TASP1: variants seen among roughly 807,000 people sequenced by gnomAD.
TASP1 encodes the protein threonine aspartase 1.
In TASP1, 16 loss-of-function variants were observed where a neutral mutation model predicts 56.6. That is an observed-to-expected ratio of 0.28 (90% CI 0.19 to 0.43). TASP1 has a LOEUF of 0.43. TASP1 is among the 20% of genes least tolerant of loss of function. The probability of loss-of-function intolerance (pLI) is 1.00; values close to 1 mark genes in which losing one functional copy is unlikely to be tolerated. For synonymous variants in TASP1, 179 were observed against 184.2 expected (o/e 0.97, Z 0.23); for missense variants, 393 against 511.6 (o/e 0.77, Z 2.24).
chr20:13,251,219 G>T, the TASP1 span, among the ~76,000 whole-genome samples: 6,174 of 152,150 alleles, frequency 0.041, 194 homozygotes, highest in African/African-American at 0.08. Flanking sequence ...GATGTTGAAG[G>T]TTTTCACTTC....
At chr20:13,279,602 A>T in the TASP1 span, 7 of 1,593,298 alleles carry the variant, frequency 4.4e-6, no homozygotes, top group African/African-American at 9.4e-5. Context: ...TGTTGACTCC[A>T]CACTGACCCC....
the TASP1 span, among the ~76,000 whole-genome samples, chr20:13,361,827 C>G: frequency 2.0e-5 from 3 of 152,096 alleles, no homozygotes; most frequent in Admixed American, 6.6e-5. Flanking sequence ...ACTCTTAACT[C>G]TTGAAGTAAA....
chr20:13,591,032 G>GA lies in TASP1; in HGVS notation c.283-3663dup, dbSNP rs147006430. On this transcript the variant is annotated intron_variant, in intron 4 of 13. Coordinates refer to ENST00000337743, the MANE Select transcript of TASP1 (RefSeq NM_017714.3). ...AAATTATCCAAATAAATGACAAAGT[G>GA]AAAAAAATACTAAGAAAAGGAAAAA... is the stretch of plus-strand genomic sequence containing the variant. Among the ~76,000 whole-genome samples, 1,283 of 148,850 alleles carry GA rather than the reference G, an allele frequency of 8.6e-3. 22 individuals carry two copies. The highest frequency in any genetic ancestry group is 0.03 in the African/African-American group (1,210 of 40,442).
At chr20:13,266,579 C>T in the TASP1 span, among the ~76,000 whole-genome samples, 1 of 152,102 alleles carries the variant, frequency 6.6e-6, no homozygotes, top group African/African-American at 2.4e-5. Flanking sequence ...TCGATGTTAA[C>T]TCATAGATTG....
At chr20:13,483,999 G>A (rs1181559327) in intron 10 of TASP1, among the ~76,000 whole-genome samples, 2 of 152,064 alleles carry the variant, frequency 1.3e-5, no homozygotes, top group Non-Finnish European at 2.9e-5. Flanking sequence ...GTGGGCAAAG[G>A]ATATGCAAGA....
At chr20:13,203,912 C>A in the TASP1 span, among the ~76,000 whole-genome samples, 11 of 152,130 alleles carry the variant, frequency 7.2e-5, no homozygotes, top group African/African-American at 2.7e-4. Context: ...TAATGTCTGA[C>A]CCAACTTTTT....
chr20:13,441,937 AAAC>A (rs2043226652), intron 11 of TASP1, among the ~76,000 whole-genome samples: 1 of 152,218 alleles, frequency 6.6e-6, no homozygotes. Context: ...CCATATCATT[AAAC>A]AACTGAAAAA....
the TASP1 span, among the ~76,000 whole-genome samples, chr20:13,179,914 A>G: frequency 1.3e-5 from 2 of 152,080 alleles, no homozygotes; most frequent in Non-Finnish European, 2.9e-5. Context: ...GATTTCCCCC[A>G]ATACCACCCA....
At chr20:13,609,686 C>CAAAAAAAAAAAAAAAAAAAAAA (rs71188167) in intron 4 of TASP1, among the ~76,000 whole-genome samples, 1 of 49,974 alleles carries the variant, frequency 2.0e-5, no homozygotes, top group Non-Finnish European at 4.1e-5. Context: ...AACTCTGTCT[C>CAAAAAAAAAAAAAAAAAAAAAA]AAAAAAAAAA....
chr20:13,506,171 T>C (rs968250495), intron 10 of TASP1, among the ~76,000 whole-genome samples: 6 of 152,010 alleles, frequency 3.9e-5, no homozygotes, highest in South Asian at 2.1e-4. Context: ...TTCCTAGAAA[T>C]ATATAATCTA....
the TASP1 span, among the ~76,000 whole-genome samples, chr20:13,378,874 T>A: frequency 6.6e-6 from 1 of 152,250 alleles, no homozygotes; most frequent in South Asian, 2.1e-4. Context: ...AAGTCTATTT[T>A]ATCAAATACT....
the TASP1 span, among the ~76,000 whole-genome samples, chr20:13,296,390 C>T: frequency 1.2e-4 from 19 of 152,144 alleles, no homozygotes; most frequent in South Asian, 2.1e-4. Context: ...AAAACAAATC[C>T]GGACTCAGTA....
chr20:13,380,223 G>A, the TASP1 span, among the ~76,000 whole-genome samples: 68 of 152,240 alleles, frequency 4.5e-4, no homozygotes, highest in African/African-American at 1.6e-3. Flanking sequence ...TCTACCTTTG[G>A]TCTTTGATGT....
the TASP1 span, among the ~76,000 whole-genome samples, chr20:13,319,792 C>T: frequency 2.6e-5 from 4 of 152,318 alleles, no homozygotes; most frequent in South Asian, 4.1e-4. Context: ...GCCAGCCAAC[C>T]TTCTTGTCCC....
the TASP1 span, among the ~76,000 whole-genome samples, chr20:13,272,154 C>A: frequency 1.3e-5 from 2 of 152,064 alleles, no homozygotes; most frequent in Non-Finnish European, 2.9e-5. Context: ...CTCTCTGGAC[C>A]AAATGCCAAT....
At chr20:13,416,288 A>C (rs781170533) in intron 13 of TASP1, among the ~76,000 whole-genome samples, 1 of 152,206 alleles carries the variant, frequency 6.6e-6, no homozygotes, top group Non-Finnish European at 1.5e-5. Context: ...TTCTATATAA[A>C]TTATGAAATA....
intron 11 of TASP1, among the ~76,000 whole-genome samples, chr20:13,448,036 A>C (rs2043475192): frequency 6.6e-6 from 1 of 152,144 alleles, no homozygotes. Context: ...TTTTACAAGA[A>C]AGGTCTTCCC....
chr20:13,159,196 G>A, the TASP1 span, among the ~76,000 whole-genome samples: 1 of 152,196 alleles, frequency 6.6e-6, no homozygotes, highest in African/African-American at 2.4e-5. Flanking sequence ...ATAAAGGGAA[G>A]GAATCATAGC....
chr20:13,393,379 C>T, intron 13 of TASP1: 1 of 744,062 alleles, frequency 1.3e-6, no homozygotes, highest in Non-Finnish European at 2.4e-6. Context: ...TTCCATGTCC[C>T]CATTGCCAAT....
Sources: allele counts gnomAD v4.1 joint callset (sites outside exome capture counted in the v4.1 genomes callset), GRCh38; gene constraint gnomAD v4.1.1; transcripts MANE v1.5; gene names NCBI Gene and HGNC (gene_info 2026-07-23, HGNC 2026-07-21).